YPEL4: variants seen among roughly 807,000 people sequenced by gnomAD.
YPEL4 encodes protein yippee-like 4.
A neutral mutation model predicts 16.3 loss-of-function variants in YPEL4; 5 were observed. The observed-to-expected ratio is 0.31, with a 90% CI of 0.16 to 0.64. The LOEUF is 0.64. Among genes scored for constraint, YPEL4 ranks in the 30% least tolerant of loss-of-function variants. The pLI is 0.79. For missense variants in YPEL4, 127 were observed against 170.0 expected (o/e 0.75, Z 1.41); for synonymous variants, 61 against 60.7 (o/e 1.00, Z -0.02).
intron 1 of YPEL4, chr11:57,648,116 T>C (rs1047294859): frequency 9.2e-5 from 14 of 152,116 alleles, no homozygotes; most frequent in Non-Finnish European, 1.6e-4. Context: ...CAATGGGAAA[T>C]GGGTAGCATG....
chr11:57,646,246 G>T, intron 4 of YPEL4, 51 bp downstream of exon 4: 1 of 1,599,542 alleles, frequency 6.3e-7, no homozygotes, highest in Non-Finnish European at 8.6e-7. Context: ...GTGCTTGAAG[G>T]GCCATGGGGA....
intron 4 of YPEL4, 75 bp from the exon 5 acceptor site, chr11:57,646,145 C>A: frequency 6.3e-7 from 1 of 1,576,384 alleles, no homozygotes. Context: ...GTATGGCCCC[C>A]ACCCCAAGGG....
At chr11:57,649,646 A>T (rs1322858579) in intron 1 of YPEL4, 39 bp downstream of exon 1, 1 of 152,310 alleles carries the variant, frequency 6.6e-6, no homozygotes, top group East Asian at 1.9e-4. Context: ...AAATTTGCAA[A>T]GAGAAAAAAA....
At chr11:57,648,724 C>T (rs1945759098) in intron 1 of YPEL4, 1 of 152,438 alleles carries the variant, frequency 6.6e-6, no homozygotes, top group African/African-American at 2.4e-5. Flanking sequence ...AGGTCCTCTC[C>T]TCCGGGCTGG....
In YPEL4 at chr11:57,647,038, G is replaced by A. The variant is rs1314298129; in HGVS notation, c.70C>T (p.Arg24Cys). 4.4e-6 allele frequency: 7 copies of A among 1,598,936 alleles called. No individual in the cohort carries two copies. Among genetic ancestry groups the A allele is most frequent in the Non-Finnish European group, 5.1e-6 (6 of 1,174,052 alleles). ...PTKTFRSYLP[R>C]CHRTYSCVHC... ...ACACAGCTGTAAGTGCGGTGACAGC[G>A]GGGCAGATAGCTGCGGAAAGTCTTG... Residue 24 changes from arginine (R) to cysteine (C), a missense_variant, in exon 2 of 5, where the codon CGC becomes TGC. Transcript: ENST00000300022. This position sits in a 1 kb window ranked among gnomAD's most constrained non-coding sequence, Gnocchi z 4.2.
rs1236657538 is a variant in YPEL4 at position 57,647,420 on chromosome 11, A to T, written c.-184-129T>A. The T allele has an allele frequency of 8.4e-6, 2 of 239,010 alleles. No homozygotes were observed. The highest frequency in any genetic ancestry group is 4.5e-5 in the African/African-American group (2 of 44,334). 14.8% of individuals were successfully genotyped at this position (239,010 alleles called of 1,614,324 possible). A position where few individuals can be genotyped will look rare whatever the true frequency, so the allele number is the denominator to read the frequency against. ...CCATCACCATCGACCCCCCCACAGCATCCAGTTGCATTGTCGCCCTGTCCC... is the reference window on the plus strand; with the variant it reads ...CCATCACCATCGACCCCCCCACAGCTTCCAGTTGCATTGTCGCCCTGTCCC... On this transcript the variant is annotated intron_variant, in intron 1 of 4. Coordinates refer to ENST00000300022, the MANE Select transcript of YPEL4 (RefSeq NM_145008.3). This position sits in a 1 kb window ranked among gnomAD's most constrained non-coding sequence, Gnocchi z 4.2.
chr11:57,646,554 T>C, intron 3 of YPEL4, 149 bp from the exon 4 acceptor site: 2 of 1,199,104 alleles, frequency 1.7e-6, no homozygotes, highest in Non-Finnish European at 2.4e-6. Flanking sequence ...GCCTGGGCCT[T>C]CTTTTTCCAC....
chr11:57,646,320 T>C lies in YPEL4; in HGVS notation c.271A>G (p.Lys91Glu), dbSNP rs748743175. 3.0e-5 allele frequency: 49 copies of C among 1,614,052 alleles called. No individual in the cohort carries two copies. The highest frequency in any genetic ancestry group is 5.0e-5 in the Admixed American group (3 of 60,000). The change falls in exon 4 of 5, where the codon AAA becomes GAA. Residue 91 changes from lysine to glutamate, a missense_variant. Coordinates refer to ENST00000300022, the MANE Select transcript of YPEL4 (RefSeq NM_145008.3). ...ACATATTTCCAGCCCAGTGTGGTTT[T>C]GCAGCTCTCACAGAAAATGTCAGCT... Reference protein sequence around the residue: ...SVADIFCESCKTTLGWKYEQA... With the variant: ...SVADIFCESCETTLGWKYEQA...
intron 2 of YPEL4, 47 bp from the exon 3 acceptor site, chr11:57,646,841 C>T (rs1425214630): frequency 1.2e-6 from 2 of 1,611,132 alleles, no homozygotes; most frequent in East Asian, 2.2e-5. Context: ...GCCTTCAGCC[C>T]CACTGCCTGA....
Position 57,646,054 on chromosome 11 carries a change from G to GTACAAGGAGACGA in YPEL4, c.310_311insTCGTCTCCTTGTA (p.Thr104IlefsTer17). 6.2e-7 allele frequency: 1 copy of GTACAAGGAGACGA among 1,614,072 alleles called. No individual in the cohort carries two copies. Among genetic ancestry groups the GTACAAGGAGACGA allele is most frequent in the Non-Finnish European group, 8.5e-7 (1 of 1,180,028 alleles). ...TTTCCCTTCCTTGTACTTCTGGCTC[G>GTACAAGGAGACGA]TCTCAAAAGCTTGCTCCTGGTGAAG... On this transcript the variant is annotated frameshift_variant, in exon 5 of 5. Transcript: ENST00000300022. LOFTEE classifies it high-confidence loss of function.
intron 3 of YPEL4, 42 bp downstream of exon 3, chr11:57,646,709 A>ACACAAG (rs767218981): frequency 1.2e-6 from 2 of 1,611,172 alleles, no homozygotes; most frequent in Admixed American, 3.4e-5. Flanking sequence ...ACTCACTCAC[A>ACACAAG]CACAAGCACA....
At chr11:57,648,526 G>A (rs1945757507) in intron 1 of YPEL4, 1 of 152,302 alleles carries the variant, frequency 6.6e-6, no homozygotes, top group Admixed American at 6.5e-5. Flanking sequence ...AGAGATGCCA[G>A]CTGGGCACTC....
Position 57,647,069 on chromosome 11 carries a change from G to A in YPEL4, c.39C>T (p.Leu13=), listed in dbSNP as rs1945740016. 6.3e-7 allele frequency: 1 copy of A among 1,595,138 alleles called. No homozygotes were observed. Among genetic ancestry groups the A allele is most frequent in the Admixed American group, 1.8e-5 (1 of 55,122 alleles). ...GATAGCTGCGGAAAGTCTTGGTGGG[G>A]AGGCAGGCAGGGCCCGGACCGGGGT... ...SCDPGPGPAC[L]PTKTFRSYLP... Residue 13 remains leucine, a synonymous_variant, in exon 2 of 5, where the codon CTC becomes CTT. Transcript: ENST00000300022. The surrounding 1 kb of genome is among the most constrained non-coding windows in gnomAD (Gnocchi z 4.2).
chr11:57,645,762 C>T lies in YPEL4; in HGVS notation c.*219G>A. 1 of 565,182 alleles carries T rather than the reference C, an allele frequency of 1.8e-6. No individual in the cohort carries two copies. The highest frequency in any genetic ancestry group is 3.1e-6 in the Non-Finnish European group (1 of 317,890). 35.0% of individuals were successfully genotyped at this position (565,182 alleles called of 1,614,324 possible). On this transcript the variant is annotated 3_prime_UTR_variant, in exon 5 of 5. Coordinates refer to ENST00000300022, the MANE Select transcript of YPEL4 (RefSeq NM_145008.3). ...CCCTTTCCCCCAGTTCTGTCTCTCC[C>T]TGACTGCTGCCCACTCCTGAGCCTT...
Position 57,645,975 on chromosome 11 carries a change from A to AG in YPEL4, c.*5dup. The AG allele has an allele frequency of 6.2e-7, 1 of 1,613,478 alleles. No homozygotes were observed. Among genetic ancestry groups the AG allele is most frequent in the Non-Finnish European group, 8.5e-7 (1 of 1,179,666 alleles). On this transcript the variant is annotated 3_prime_UTR_variant, in exon 5 of 5. Coordinates refer to ENST00000300022, the MANE Select transcript of YPEL4 (RefSeq NM_145008.3). ...GCGGAGGAAGGGCACACCCTGCCTG[A>AG]GCCCCTCAGTCCCAGCCGTTGTCCT...
Position 57,646,698 on chromosome 11 carries a change from TACTC to T in YPEL4, c.185+49_185+52del, listed in dbSNP as rs573863748. 1,081 of 1,605,738 alleles carry T rather than the reference TACTC, an allele frequency of 6.7e-4. 2 individuals carry two copies. In the African/African-American group the frequency reaches 7.7e-3, roughly 11 times the overall value. ...CCCCCCTTTCTCCACAGAGGAAAAT[TACTC>T]ACTCACACACAAGCACAAGCACACG... is the stretch of plus-strand genomic sequence containing the variant. On this transcript the variant is annotated intron_variant, in intron 3 of 4. Coordinates refer to ENST00000300022, the MANE Select transcript of YPEL4 (RefSeq NM_145008.3).
In YPEL4 at chr11:57,647,260, C is replaced by A; in HGVS notation, c.-153G>T. ...GGGGGGCTGCCCGGCCAGGGCCCCC[C>A]CAGACGAGAACCAGATAGAAATAGA... is the stretch of plus-strand genomic sequence containing the variant. On this transcript the variant is annotated 5_prime_UTR_variant, in exon 2 of 5. Coordinates refer to ENST00000300022, the MANE Select transcript of YPEL4 (RefSeq NM_145008.3). The surrounding 1 kb of genome is among the most constrained non-coding windows in gnomAD (Gnocchi z 4.2). 1 of 1,059,340 alleles carries A rather than the reference C, an allele frequency of 9.4e-7. No homozygotes were observed. The highest frequency in any genetic ancestry group is 1.3e-6 in the Non-Finnish European group (1 of 770,248). 65.6% of individuals were successfully genotyped at this position (1,059,340 alleles called of 1,614,324 possible).
Position 57,646,421 on chromosome 11 carries a change from G to A in YPEL4, c.186-16C>T, listed in dbSNP as rs1484179812. On this transcript the variant is annotated splice_polypyrimidine_tract_variant and intron_variant, in intron 3 of 4. Transcript: ENST00000300022. ...CACGTTGACCCTGTCTCAGGAAACA[G>A]GAAGGACCCAGCACCCAGTGGGGTT... 6.2e-7 allele frequency: 1 copy of A among 1,613,990 alleles called. No homozygotes were observed. The highest frequency in any genetic ancestry group is 2.2e-5 in the East Asian group (1 of 44,874).
Position 57,647,426 on chromosome 11 carries a change from T to G in YPEL4, c.-184-135A>C. ...CCATCGACCCCCCCACAGCATCCAG[T>G]TGCATTGTCGCCCTGTCCCCTGGAT... is the stretch of plus-strand genomic sequence containing the variant. On this transcript the variant is annotated intron_variant, in intron 1 of 4. Coordinates refer to ENST00000300022, the MANE Select transcript of YPEL4 (RefSeq NM_145008.3). The surrounding 1 kb of genome is among the most constrained non-coding windows in gnomAD (Gnocchi z 4.2). The G allele has an allele frequency of 4.4e-6, 1 of 226,180 alleles. No homozygotes were observed. Among genetic ancestry groups the G allele is most frequent in the Non-Finnish European group, 8.6e-6 (1 of 116,244 alleles). The allele number at this position is 226,180 out of a possible 1,614,324, so 14.0% of individuals were successfully genotyped here.
Sources: gnomAD v4.1 joint callset for allele counts on GRCh38, gnomAD v4.1.1 for gene constraint, Gnocchi (gnomAD v3.1) non-coding constraint, MANE v1.5 for transcripts, NCBI Gene and HGNC (gene_info 2026-07-23, HGNC 2026-07-21) for gene names.